The following ETS1 variants were observed in gnomAD, a reference collection of about 807,000 sequenced individuals.
ETS1 encodes protein C-ets-1.
ETS1 carries 15 observed loss-of-function variants against 58.6 expected under a neutral mutation model. The ratio of observed to expected loss-of-function variants is 0.26; its 90% CI spans 0.17 to 0.39. ETS1 has a LOEUF of 0.39. Among genes scored for constraint, ETS1 ranks in the 10% least tolerant of loss-of-function variants. The pLI, the probability that ETS1 is intolerant of heterozygous loss-of-function variation, is 1.00. For synonymous variants in ETS1, 214 were observed against 218.2 expected (o/e 0.98, Z 0.17); for missense variants, 417 against 610.5 (o/e 0.68, Z 3.34).
intron 3 of ETS1, among the ~76,000 whole-genome samples, chr11:128,504,150 T>G (rs1863164568): frequency 6.6e-6 from 1 of 152,304 alleles, no homozygotes; most frequent in South Asian, 2.1e-4. Flanking sequence ...ATGCTTATGC[T>G]CCCTAAACCA....
chr11:128,584,366 G>T (rs988767490), intron 1 of ETS1, among the ~76,000 whole-genome samples: 6 of 152,176 alleles, frequency 3.9e-5, no homozygotes, highest in African/African-American at 1.4e-4. Context: ...CCAATCACAA[G>T]CTCTGGGTTC....
chr11:128,574,203 A>G (rs1864695697), intron 1 of ETS1, among the ~76,000 whole-genome samples: 1 of 152,228 alleles, frequency 6.6e-6, no homozygotes, highest in African/African-American at 2.4e-5. Context: ...AAGGGCTACA[A>G]CAACAAAGCT....
intron 3 of ETS1, among the ~76,000 whole-genome samples, chr11:128,550,843 C>A (rs1864218017): frequency 6.6e-6 from 1 of 152,168 alleles, no homozygotes; most frequent in Non-Finnish European, 1.5e-5. Flanking sequence ...TGGGCATTAG[C>A]ATAGACAGTT....
chr11:128,544,289 A>C (rs1864097669), intron 3 of ETS1, among the ~76,000 whole-genome samples: 1 of 148,442 alleles, frequency 6.7e-6, no homozygotes, highest in Non-Finnish European at 1.5e-5. Flanking sequence ...AACCTGTGAG[A>C]TCAGAAAGGA....
intron 3 of ETS1, chr11:128,526,769 AAAG>A: frequency 2.9e-6 from 1 of 347,640 alleles, no homozygotes; most frequent in South Asian, 2.1e-5. Flanking sequence ...TTAAATTCTG[AAAG>A]AAGATCACAT....
chr11:128,552,280 A>G (rs1405087717), intron 3 of ETS1, among the ~76,000 whole-genome samples: 2 of 152,164 alleles, frequency 1.3e-5, no homozygotes, highest in Non-Finnish European at 2.9e-5. Context: ...GTCCTTTCTC[A>G]TGAAGAATGG....
chr11:128,484,936 G>T lies in ETS1; in HGVS notation c.749C>A (p.Pro250His). 6.2e-7 allele frequency: 1 copy of T among 1,613,864 alleles called. No homozygotes were observed. The highest frequency in any genetic ancestry group is 1.3e-5 in the African/African-American group (1 of 75,000). The stretch of plus-strand genomic sequence containing the variant: ...GAGAGGGTCTCGGAGAATGACCGAG[G>T]GGTAGTCATTCTCATACTTGAGGGA... ...LLSLKYENDY[P>H]SVILRDPLQT... is the part of the protein sequence containing the mutation. Residue 250 changes from proline (P) to histidine (H), a missense_variant, in exon 7 of 10, where the codon CCC (proline) becomes CAC (histidine). By Grantham distance (77) the Pro-to-His change is moderately conservative (BLOSUM62 -2). Coordinates refer to ENST00000392668, the MANE Select transcript of ETS1 (RefSeq NM_001143820.2).
chr11:128,543,216 T>G (rs1292194741), intron 3 of ETS1, among the ~76,000 whole-genome samples: 1 of 151,848 alleles, frequency 6.6e-6, no homozygotes, highest in Non-Finnish European at 1.5e-5. Context: ...AAAAATTATT[T>G]AAAGAGGTAT....
intron 1 of ETS1, among the ~76,000 whole-genome samples, chr11:128,575,456 G>A (rs548496806): frequency 3.0e-4 from 46 of 152,274 alleles, no homozygotes; most frequent in African/African-American, 1.0e-3. Flanking sequence ...TGTAATAGGC[G>A]TCCTTTGTTA....
At chr11:128,519,364 G>C (rs11820002) in intron 3 of ETS1, among the ~76,000 whole-genome samples, 33,845 of 151,968 alleles carry the variant, frequency 0.22, 3,880 homozygotes, top group Middle Eastern at 0.36. Context: ...GGAGGGGGTG[G>C]GGAGAAAATT....
At chr11:128,480,017 T>G (rs548622046) in intron 8 of ETS1, among the ~76,000 whole-genome samples, 174 bp downstream of exon 8, 2 of 151,976 alleles carry the variant, frequency 1.3e-5, no homozygotes, top group African/African-American at 4.8e-5. Context: ...TCAATGGCTA[T>G]TCACAAGCAG....
At chr11:128,467,606 TG>T (rs1322243322) in intron 8 of ETS1, among the ~76,000 whole-genome samples, 4 of 152,132 alleles carry the variant, frequency 2.6e-5, no homozygotes, top group Non-Finnish European at 5.9e-5. Context: ...GTGGTCTCAG[TG>T]ACCTTTGTCC....
At chr11:128,575,443 T>A (rs1314628428) in intron 1 of ETS1, among the ~76,000 whole-genome samples, 4 of 152,194 alleles carry the variant, frequency 2.6e-5, no homozygotes, top group Non-Finnish European at 5.9e-5. Flanking sequence ...TATCCAACAA[T>A]CATGTAATAG....
At chr11:128,467,330 C>CA (rs1862066064) in intron 8 of ETS1, among the ~76,000 whole-genome samples, 2 of 152,178 alleles carry the variant, frequency 1.3e-5, no homozygotes, top group South Asian at 4.1e-4. Context: ...ACAGATCCAC[C>CA]AGCGACACCC....
rs149194030 is a variant in ETS1 at position 128,539,873 on chromosome 11, A to G, written c.214+16418T>C. On this transcript the variant is annotated intron_variant, in intron 3 of 9. Transcript: ENST00000392668. ...TAGTGGCCAGTCACAAAGGTCACAT[A>G]TTATATAACTCTACTTATGAGAATT... Among the ~76,000 whole-genome samples, 267 of 152,332 alleles carry G rather than the reference A, an allele frequency of 1.8e-3. 2 individuals are homozygous for G. Among genetic ancestry groups the G allele is most frequent in the African/African-American group, 6.2e-3 (258 of 41,572 alleles).
At chr11:128,555,197 C>A (rs2135556719) in intron 3 of ETS1, among the ~76,000 whole-genome samples, 2 of 152,332 alleles carry the variant, frequency 1.3e-5, no homozygotes, top group South Asian at 4.1e-4. Flanking sequence ...TCCTCACCCA[C>A]CATACACACA....
intron 3 of ETS1, among the ~76,000 whole-genome samples, chr11:128,506,458 C>CGAT (rs1472565147): frequency 6.6e-6 from 1 of 152,100 alleles, no homozygotes; most frequent in Non-Finnish European, 1.5e-5. Flanking sequence ...TCACAACAGA[C>CGAT]GATGAGTGCT....
At chr11:128,550,622 C>A (rs1484948926) in intron 3 of ETS1, among the ~76,000 whole-genome samples, 1 of 152,198 alleles carries the variant, frequency 6.6e-6, no homozygotes, top group Non-Finnish European at 1.5e-5. Flanking sequence ...TCAGTACTCT[C>A]CCCTGGGAGT....
intron 1 of ETS1, among the ~76,000 whole-genome samples, chr11:128,583,338 T>C (rs1259542251): frequency 6.6e-6 from 1 of 152,194 alleles, no homozygotes; most frequent in African/African-American, 2.4e-5. Context: ...GACCTGTCAG[T>C]GTCTCAGGAG....
Sources: allele counts gnomAD v4.1 joint callset (sites outside exome capture counted in the v4.1 genomes callset), GRCh38; gene constraint gnomAD v4.1.1; transcripts MANE v1.5; gene names NCBI Gene and HGNC (gene_info 2026-07-23, HGNC 2026-07-21).